The following LTBP1 variants were observed in gnomAD, a reference collection of about 807,000 sequenced individuals.
LTBP1 encodes the protein latent-transforming growth factor beta-binding protein 1.
LTBP1 carries 129 observed loss-of-function variants against 207.6 expected under a neutral mutation model. The observed-to-expected ratio is 0.62, with a 90% CI of 0.54 to 0.72. The LOEUF is 0.72. LTBP1 is among the 30% of genes least tolerant of loss of function. LTBP1 has a pLI of 0.00. For missense variants in LTBP1, 2,281 were observed against 2,217.2 expected (o/e 1.03, Z -0.58); for synonymous variants, 963 against 833.7 (o/e 1.16, Z -2.67).
At chr2:33,173,182 C>CA (rs1246803568) in intron 5 of LTBP1, among the ~76,000 whole-genome samples, 5 of 151,856 alleles carry the variant, frequency 3.3e-5, no homozygotes, top group Non-Finnish European at 7.4e-5. Context: ...AATAGAGACA[C>CA]AAAAAACCCT....
intron 26 of LTBP1, among the ~76,000 whole-genome samples, chr2:33,357,678 A>G (rs13386072): frequency 0.16 from 23,814 of 152,192 alleles, 2,384 homozygotes; most frequent in African/African-American, 0.28. Context: ...AGAATAAAAT[A>G]TGAAAAACTT....
chr2:33,166,101 G>T (rs1572938300), intron 5 of LTBP1, among the ~76,000 whole-genome samples: 2 of 148,012 alleles, frequency 1.4e-5, no homozygotes, highest in Non-Finnish European at 1.5e-5. Context: ...GATCAGATCT[G>T]CTATAAATTA....
At chr2:33,181,750 C>T (rs1160576381) in intron 5 of LTBP1, among the ~76,000 whole-genome samples, 2 of 152,172 alleles carry the variant, frequency 1.3e-5, no homozygotes, top group African/African-American at 2.4e-5. Flanking sequence ...TTGTAACCAG[C>T]GTACCACAAG....
chr2:33,208,375 G>C (rs2090032511), intron 7 of LTBP1, among the ~76,000 whole-genome samples: 1 of 152,146 alleles, frequency 6.6e-6, no homozygotes, highest in African/African-American at 2.4e-5. Flanking sequence ...ATTCATTATA[G>C]CTACCCAATA....
chr2:33,368,364 G>A (rs1004391777), intron 31 of LTBP1, among the ~76,000 whole-genome samples: 1 of 152,126 alleles, frequency 6.6e-6, no homozygotes, highest in Non-Finnish European at 1.5e-5. Context: ...TCCTCCATTG[G>A]TGGATACTTA....
At chr2:33,077,616 G>A (rs924234437) in intron 3 of LTBP1, among the ~76,000 whole-genome samples, 3 of 152,140 alleles carry the variant, frequency 2.0e-5, no homozygotes, top group African/African-American at 7.2e-5. Flanking sequence ...AATCATTTAT[G>A]AAGAGTCCAC....
At chr2:32,977,313 G>A (rs1312291801) in intron 2 of LTBP1, among the ~76,000 whole-genome samples, 2 of 152,324 alleles carry the variant, frequency 1.3e-5, no homozygotes, top group East Asian at 3.9e-4. Context: ...GAGCCGACTG[G>A]GAGAGTGGAG....
chr2:33,294,855 G>C (rs975679918), intron 20 of LTBP1, among the ~76,000 whole-genome samples: 1 of 151,570 alleles, frequency 6.6e-6, no homozygotes, highest in African/African-American at 2.4e-5. Context: ...GGGATTACAG[G>C]CATGAGCCAC....
chr2:33,154,341 T>C (rs1297215720), intron 5 of LTBP1, among the ~76,000 whole-genome samples: 1 of 152,210 alleles, frequency 6.6e-6, no homozygotes, highest in Non-Finnish European at 1.5e-5. Context: ...TCTTCCCATT[T>C]TTGTATTCCA....
At chr2:33,011,558 T>C (rs1350998149) in intron 2 of LTBP1, among the ~76,000 whole-genome samples, 1 of 152,000 alleles carries the variant, frequency 6.6e-6, no homozygotes, top group Non-Finnish European at 1.5e-5. Context: ...AAGACGGCCA[T>C]CTACAAGCCA....
At chr2:33,079,272 A>C (rs1243484214) in intron 3 of LTBP1, among the ~76,000 whole-genome samples, 2 of 152,214 alleles carry the variant, frequency 1.3e-5, no homozygotes, top group Non-Finnish European at 2.9e-5. Flanking sequence ...TGAATAAGGC[A>C]GAATCGCAGG....
At chr2:33,044,127 A>G (rs1476116370) in intron 3 of LTBP1, among the ~76,000 whole-genome samples, 1 of 148,760 alleles carries the variant, frequency 6.7e-6, no homozygotes. Flanking sequence ...AGGAAAAAGT[A>G]TTTTTTTTTT....
chr2:32,984,792 G>A (rs1040120269), intron 2 of LTBP1, among the ~76,000 whole-genome samples: 9 of 151,652 alleles, frequency 5.9e-5, no homozygotes, highest in East Asian at 1.9e-4. Flanking sequence ...TTAGCTGGGC[G>A]TGGTGGCGCA....
At chr2:33,132,559 A>C (rs1054190006) in intron 4 of LTBP1, among the ~76,000 whole-genome samples, 21 of 152,218 alleles carry the variant, frequency 1.4e-4, no homozygotes, top group African/African-American at 5.1e-4. Context: ...CCTTTGTAGA[A>C]AAAGTTTGCT....
chr2:33,115,289 C>T (rs1480510015), intron 4 of LTBP1, among the ~76,000 whole-genome samples: 2 of 152,048 alleles, frequency 1.3e-5, no homozygotes, highest in Admixed American at 6.5e-5. Flanking sequence ...ATAAGATGTC[C>T]AGAGTAGGCA....
chr2:33,124,424 T>C (rs1337069278), intron 4 of LTBP1, among the ~76,000 whole-genome samples: 2 of 152,016 alleles, frequency 1.3e-5, no homozygotes, highest in Admixed American at 1.3e-4. Context: ...AAAAAAAAAT[T>C]ATTCAAATGC....
At chr2:33,002,553 C>G (rs1424989083) in intron 2 of LTBP1, among the ~76,000 whole-genome samples, 1 of 152,182 alleles carries the variant, frequency 6.6e-6, no homozygotes, top group East Asian at 1.9e-4. Context: ...TTTTCCAGCT[C>G]TCTTTATCCT....
At chr2:32,947,866 C>A in intron 1 of LTBP1, 48 bp downstream of exon 1, 1 of 1,271,646 alleles carries the variant, frequency 7.9e-7, no homozygotes, top group African/African-American at 1.6e-5. Context: ...GCGCGCACCG[C>A]CCGCGGAGGG....
At chr2:33,020,468 G>T (rs1009455862) in intron 2 of LTBP1, among the ~76,000 whole-genome samples, 1 of 152,118 alleles carries the variant, frequency 6.6e-6, no homozygotes, top group African/African-American at 2.4e-5. Flanking sequence ...ATTTTCTTAC[G>T]ATTTTTCCTG....
Sources: gnomAD v4.1 joint callset for allele counts (sites outside exome capture counted in the v4.1 genomes callset) on GRCh38, gnomAD v4.1.1 for gene constraint, MANE v1.5 for transcripts, NCBI Gene and HGNC (gene_info 2026-07-23, HGNC 2026-07-21) for gene names.